Variants in ELAVL3 observed in about 807,000 individuals in gnomAD.
The protein encoded by ELAVL3 is ELAV-like protein 3.
Under a neutral mutation model 34.2 loss-of-function variants are expected in ELAVL3, and 8 were observed. That is an observed-to-expected ratio of 0.23 (90% CI 0.14 to 0.42). The LOEUF is 0.42. Among genes scored for constraint, ELAVL3 ranks in the 10% least tolerant of loss-of-function variants. ELAVL3 has a pLI of 1.00. For missense variants in ELAVL3, 273 were observed against 518.8 expected (o/e 0.53, Z 4.60); for synonymous variants, 209 against 222.1 (o/e 0.94, Z 0.53).
chr19:11,464,673 TCA>T lies in ELAVL3; in HGVS notation c.333+1497_333+1498del, dbSNP rs1169363494. Among the ~76,000 whole-genome samples, 188 of 37,278 alleles carry T rather than the reference TCA, an allele frequency of 5.0e-3. 1 individual carries two copies. The highest frequency in any genetic ancestry group is 0.015 in the African/African-American group (174 of 11,344). The allele number at this position is 37,278 out of a possible 152,430, so 24.5% of individuals were successfully genotyped here. On this transcript the variant is annotated intron_variant, in intron 3 of 6. Transcript: ENST00000359227. The stretch of plus-strand genomic sequence containing the variant: ...CATACATGACACACACATACACACA[TCA>T]CACACACACCCCCCACACACATACA...
intron 6 of ELAVL3, 64 bp downstream of exon 6, chr19:11,457,046 G>T (rs1281554982): frequency 3.3e-5 from 46 of 1,390,974 alleles, no homozygotes; most frequent in Non-Finnish European, 4.2e-5. Context: ...GGGTGAGCTG[G>T]GGAGGGGTGC....
chr19:11,454,475 C>T lies in ELAVL3; in HGVS notation c.*51G>A, dbSNP rs1970724160. The T allele has an allele frequency of 1.4e-6, 2 of 1,436,196 alleles. No individual in the cohort carries two copies. Among genetic ancestry groups the T allele is most frequent in the Admixed American group, 2.2e-5 (1 of 45,780 alleles). 89.0% of individuals were successfully genotyped at this position (1,436,196 alleles called of 1,614,324 possible). ...TCTCTCTCTCTCTCTCTCTTTCTCT[C>T]TCTCTCTCTCTGCTGCCCGGGGAGG... On this transcript the variant is annotated 3_prime_UTR_variant, in exon 7 of 7. Transcript: ENST00000359227. This position sits in a 1 kb window ranked among gnomAD's most constrained non-coding sequence, Gnocchi z 9.2.
chr19:11,455,065 C>A (rs1970740626), intron 6 of ELAVL3, among the ~76,000 whole-genome samples, 188 bp from the exon 7 acceptor site: 1 of 152,042 alleles, frequency 6.6e-6, no homozygotes, highest in Admixed American at 6.6e-5. Context: ...GTGGTGCAAT[C>A]ATGGCTCACT....
In ELAVL3 at chr19:11,452,668, A is replaced by G. The variant is rs2144869665; in HGVS notation, c.*1858T>C. The G allele has an allele frequency of 6.6e-6, 1 of 151,266 alleles. No individual in the cohort carries two copies. Among genetic ancestry groups the G allele is most frequent in the South Asian group, 2.1e-4 (1 of 4,772 alleles). The allele number at this position is 151,266 out of a possible 1,614,324, so 9.4% of individuals were successfully genotyped here. On this transcript the variant is annotated 3_prime_UTR_variant, in exon 7 of 7. Coordinates refer to ENST00000359227, the MANE Select transcript of ELAVL3 (RefSeq NM_001420.4). ...GGGGGAGAGAGAGCTGGACAGTCAG[A>G]TGGGGGCGCCATAGCCAGACACCAA... is the stretch of plus-strand genomic sequence containing the variant.
In ELAVL3 at chr19:11,454,910, C is replaced by T. The variant is rs757131653; in HGVS notation, c.753-33G>A. 2 of 1,560,246 alleles carry T rather than the reference C, an allele frequency of 1.3e-6. No individual in the cohort carries two copies. The highest frequency in any genetic ancestry group is 2.3e-5 in the East Asian group (1 of 44,422). On this transcript the variant is annotated intron_variant, in intron 6 of 6. Transcript: ENST00000359227. This position sits in a 1 kb window ranked among gnomAD's most constrained non-coding sequence, Gnocchi z 9.2. Reference sequence around the variant, plus strand: ...GGGGGTCACGCGGGCTCTGCCCTGACCCCCCGCATGCTTCTGACCCCGTTG... The same window carrying T: ...GGGGGTCACGCGGGCTCTGCCCTGATCCCCCGCATGCTTCTGACCCCGTTG...
chr19:11,480,758 T>G lies in ELAVL3; in HGVS notation c.-150A>C. ...TGTGGCGATGAAGGCGGCGGCTCCC[T>G]CGAGGGCCAGGGACGGGCCCGAACC... On this transcript the variant is annotated 5_prime_UTR_variant, in exon 1 of 7. Transcript: ENST00000359227. The surrounding 1 kb of genome is among the most constrained non-coding windows in gnomAD (Gnocchi z 6.8). The G allele has an allele frequency of 1.4e-6, 1 of 702,400 alleles. No homozygotes were observed. Among genetic ancestry groups the G allele is most frequent in the Non-Finnish European group, 2.1e-6 (1 of 486,994 alleles). The allele number at this position is 702,400 out of a possible 1,614,324, so 43.5% of individuals were successfully genotyped here. A position where few individuals can be genotyped will look rare whatever the true frequency, so the allele number is the denominator to read the frequency against.
rs1971363059 is a variant in ELAVL3 at position 11,480,775 on chromosome 19, G to T, written c.-167C>A. On this transcript the variant is annotated 5_prime_UTR_variant, in exon 1 of 7. Transcript: ENST00000359227. The surrounding 1 kb of genome is among the most constrained non-coding windows in gnomAD (Gnocchi z 6.8). ...CGGCTCCCTCGAGGGCCAGGGACGG[G>T]CCCGAACCCGGGGATGCGCGCGCGG... The T allele has an allele frequency of 1.8e-6, 1 of 565,100 alleles. No homozygotes were observed. The highest frequency in any genetic ancestry group is 2.7e-6 in the Non-Finnish European group (1 of 373,632). 35.0% of individuals were successfully genotyped at this position (565,100 alleles called of 1,614,324 possible). A position where few individuals can be genotyped will look rare whatever the true frequency, so the allele number is the denominator to read the frequency against.
At chr19:11,463,379 G>A (rs919828911) in intron 3 of ELAVL3, among the ~76,000 whole-genome samples, 6 of 152,152 alleles carry the variant, frequency 3.9e-5, no homozygotes, top group African/African-American at 4.8e-5. Flanking sequence ...GTGCCGCCCC[G>A]CTGCACAGCC....
chr19:11,458,090 G>A lies in ELAVL3; in HGVS notation c.684C>T (p.Gly228=), dbSNP rs748857107. 7 of 1,613,342 alleles carry A rather than the reference G, an allele frequency of 4.3e-6. No homozygotes were observed. In the African/African-American group the frequency reaches 6.7e-5, roughly 15 times the overall value. The change falls in exon 5 of 7, where the codon GGC becomes GGT. Residue 228 remains glycine, a synonymous_variant. Coordinates refer to ENST00000359227, the MANE Select transcript of ELAVL3 (RefSeq NM_001420.4). The surrounding 1 kb of genome is among the most constrained non-coding windows in gnomAD (Gnocchi z 7.3). ...AACGCTGGGTCTGATGGTGTAGGGGGCCTGCGTAGCGCCGGGCGGATGACT... is the reference window on the plus strand; with the variant it reads ...AACGCTGGGTCTGATGGTGTAGGGGACCTGCGTAGCGCCGGGCGGATGACT... ...LYQSSARRYA[G]PLHHQTQRFR...
chr19:11,462,189 A>G (rs1043988905), intron 3 of ELAVL3, among the ~76,000 whole-genome samples: 1 of 151,810 alleles, frequency 6.6e-6, no homozygotes, highest in East Asian at 1.9e-4. Context: ...AAAAAAAAAA[A>G]AAAGAAATAA....
chr19:11,473,132 G>A (rs1294816834), intron 1 of ELAVL3, among the ~76,000 whole-genome samples: 3 of 151,812 alleles, frequency 2.0e-5, no homozygotes, highest in East Asian at 1.9e-4. Context: ...TTGGGAGGCC[G>A]AGGCGTGTGG....
intron 3 of ELAVL3, among the ~76,000 whole-genome samples, chr19:11,465,377 T>A (rs1971029574): frequency 6.7e-6 from 1 of 148,362 alleles, no homozygotes; most frequent in Non-Finnish European, 1.5e-5. Flanking sequence ...CACATATACA[T>A]ACACACATAC....
At chr19:11,479,701 A>C (rs1887731459) in intron 1 of ELAVL3, among the ~76,000 whole-genome samples, 1 of 150,720 alleles carries the variant, frequency 6.6e-6, no homozygotes, top group Non-Finnish European at 1.5e-5. Context: ...AGGGCGTGGC[A>C]GGGCGGGAGG....
chr19:11,453,465 G>T lies in ELAVL3; in HGVS notation c.*1061C>A. 6.5e-6 allele frequency: 1 copy of T among 152,852 alleles called. No homozygotes were observed. The highest frequency in any genetic ancestry group is 1.5e-5 in the Non-Finnish European group (1 of 68,120). 9.5% of individuals were successfully genotyped at this position (152,852 alleles called of 1,614,324 possible). On this transcript the variant is annotated 3_prime_UTR_variant, in exon 7 of 7. Coordinates refer to ENST00000359227, the MANE Select transcript of ELAVL3 (RefSeq NM_001420.4). Reference sequence around the variant, plus strand: ...GTCTGCGTGTTCCTGGGTGGTGTTTGTGTTTCTCCGTGACCTGGTGTCCAA... The same window carrying T: ...GTCTGCGTGTTCCTGGGTGGTGTTTTTGTTTCTCCGTGACCTGGTGTCCAA...
At chr19:11,464,123 GTC>G (rs1165917141) in intron 3 of ELAVL3, among the ~76,000 whole-genome samples, 2,107 of 110,694 alleles carry the variant, frequency 0.019, 47 homozygotes, top group Non-Finnish European at 0.022. Context: ...GTCTCTCTCT[GTC>G]TCTCTCTCTC....
At position 11,480,603 on chromosome 19, in the gene ELAVL3, G is replaced by A; in HGVS notation, c.6C>T (p.Val2=). 4 of 1,479,878 alleles carry A rather than the reference G, an allele frequency of 2.7e-6. No homozygotes were observed. The highest frequency in any genetic ancestry group is 1.4e-5 in the South Asian group (1 of 71,916). 91.7% of individuals were successfully genotyped at this position (1,479,878 alleles called of 1,614,324 possible). Residue 2 remains valine (V), a synonymous_variant, in exon 1 of 7, where the codon GTC becomes GTT. Coordinates refer to ENST00000359227, the MANE Select transcript of ELAVL3 (RefSeq NM_001420.4). This position sits in a 1 kb window ranked among gnomAD's most constrained non-coding sequence, Gnocchi z 6.8. M[V]TQILGAMESQ... ...TCGGCGACAGGGGAATACCTACAGT[G>A]ACCATTCTTGTGTGCCCGGCGGGCG... is the stretch of plus-strand genomic sequence containing the variant.
chr19:11,464,123 G>GTCTCTCTGTCTCTCTC (rs1555732392), intron 3 of ELAVL3, among the ~76,000 whole-genome samples: 92 of 110,942 alleles, frequency 8.3e-4, no homozygotes, highest in African/African-American at 3.5e-3. Context: ...GTCTCTCTCT[G>GTCTCTCTGTCTCTCTC]TCTCTCTCTC....
At chr19:11,471,612 CA>C (rs201835223) in intron 1 of ELAVL3, among the ~76,000 whole-genome samples, 45 of 143,064 alleles carry the variant, frequency 3.1e-4, no homozygotes, top group East Asian at 1.4e-3. Flanking sequence ...GACTCTGTCT[CA>C]AAAAAAAAAA....
chr19:11,476,984 A>G (rs957075038), intron 1 of ELAVL3, among the ~76,000 whole-genome samples: 2 of 152,194 alleles, frequency 1.3e-5, no homozygotes, highest in African/African-American at 2.4e-5. Flanking sequence ...CCTAACGAAA[A>G]GACCAGTAAT....
Sources: gnomAD v4.1 joint callset for allele counts (sites outside exome capture counted in the v4.1 genomes callset) on GRCh38, gnomAD v4.1.1 for gene constraint, Gnocchi (gnomAD v3.1) non-coding constraint, MANE v1.5 for transcripts, NCBI Gene and HGNC (gene_info 2026-07-23, HGNC 2026-07-21) for gene names.